The following OTOR variants were observed in gnomAD, a reference collection of about 807,000 sequenced individuals.
OTOR encodes fibrocyte-derived protein.
A neutral mutation model predicts 15.9 loss-of-function variants in OTOR; 20 were observed. The observed-to-expected ratio is 1.26, with a 90% CI of 0.89 to 1.83. OTOR has a LOEUF of 1.83. Among genes scored for constraint, OTOR ranks in the 40% most tolerant of loss-of-function variants. OTOR has a pLI of 0.00. For missense variants in OTOR, 184 were observed against 159.0 expected (o/e 1.16, Z -0.85); for synonymous variants, 53 against 54.2 (o/e 0.98, Z 0.09).
At position 16,751,164 on chromosome 20, in the gene OTOR, GA is replaced by G. The variant is rs1568759753; in HGVS notation, c.*50del. On this transcript the variant is annotated 3_prime_UTR_variant, in exon 4 of 4. Coordinates refer to ENST00000246081, the MANE Select transcript of OTOR (RefSeq NM_020157.4). ...ATAGAAAGAAAACACCAAAAATAAA[GA>G]AAAGAGCAAAAGTGGCCAAAAAATG... The G allele has an allele frequency of 7.1e-7, 1 of 1,402,882 alleles. No homozygotes were observed. 86.9% of individuals were successfully genotyped at this position (1,402,882 alleles called of 1,614,324 possible).
At position 16,750,170 on chromosome 20, in the gene OTOR, CT is replaced by C. The variant is rs1421831195; in HGVS notation, c.363+161del. Among the ~76,000 whole-genome samples the C allele has an allele frequency of 2.6e-5, 4 of 152,200 alleles. No individual in the cohort carries two copies. The East Asian group carries it at 7.7e-4, about 29-fold the overall frequency. On this transcript the variant is annotated intron_variant, in intron 3 of 3. Transcript: ENST00000246081. The stretch of plus-strand genomic sequence containing the variant: ...ATGAGGTTTGGGGGACCATTTATAA[CT>C]ACTGTCAAAGTTGAAAGATGAGTAA...
chr20:16,748,798 T>C, intron 1 of OTOR, 69 bp from the exon 2 acceptor site: 1 of 1,191,624 alleles, frequency 8.4e-7, no homozygotes. Context: ...TTTTCTAATA[T>C]ACATTGCCTT....
chr20:16,750,374 A>G (rs1458433496), intron 3 of OTOR, among the ~76,000 whole-genome samples: 1 of 151,506 alleles, frequency 6.6e-6, no homozygotes, highest in Non-Finnish European at 1.5e-5. Context: ...CAAGCTAGTT[A>G]ACACATACAT....
rs200189983 is a variant in OTOR at position 16,749,980 on chromosome 20, C to T, written c.333C>T (p.Tyr111=). The T allele has an allele frequency of 4.3e-6, 7 of 1,612,878 alleles. No individual in the cohort carries two copies. Among genetic ancestry groups the T allele is most frequent in the Non-Finnish European group, 5.9e-6 (7 of 1,179,082 alleles). The change falls in exon 3 of 4, where the codon TAC becomes TAT. Residue 111 remains tyrosine, a synonymous_variant. Coordinates refer to ENST00000246081, the MANE Select transcript of OTOR (RefSeq NM_020157.4). The stretch of plus-strand genomic sequence containing the variant: ...ACTTGGTCAAGGAACAGCGTGTGTA[C>T]CAGGAAGCTACCAAGGAAGTTCCCA... ...PRNLVKEQRV[Y]QEATKEVPTT... is the part of the protein sequence containing the mutation.
chr20:16,748,764 TATCAGTCACTCTGATTTTC>T, intron 1 of OTOR, 84 bp from the exon 2 acceptor site: 1 of 888,428 alleles, frequency 1.1e-6, no homozygotes, highest in Non-Finnish European at 1.6e-6. Flanking sequence ...AACTGGGAAT[TATCAGTCACTCTGATTTTC>T]TAGTTTTTCT....
In OTOR at chr20:16,751,332, A is replaced by G. The variant is rs951571270; in HGVS notation, c.*214A>G. The G allele has an allele frequency of 1.9e-5, 10 of 523,030 alleles. No individual in the cohort carries two copies. In the Admixed American group the frequency reaches 2.3e-4, roughly 12 times the overall value. The allele number at this position is 523,030 out of a possible 1,614,324, so 32.4% of individuals were successfully genotyped here. On this transcript the variant is annotated 3_prime_UTR_variant, in exon 4 of 4. Transcript: ENST00000246081. ...CTGGCCTGGTCTGCCCACGAGCTAG[A>G]GCGGGGAAATGTTGAGCTCAAATGG...
In OTOR at chr20:16,748,363, C is replaced by A. The variant is rs760326270; in HGVS notation, c.-39C>A. On this transcript the variant is annotated 5_prime_UTR_variant, in exon 1 of 4. Coordinates refer to ENST00000246081, the MANE Select transcript of OTOR (RefSeq NM_020157.4). ...CAGGAACCACTGAAGTCAGTCCCCGCTTCCAGTCAGAGTTCAAGTTAAAAC... is the reference window on the plus strand; with the variant it reads ...CAGGAACCACTGAAGTCAGTCCCCGATTCCAGTCAGAGTTCAAGTTAAAAC... 6 of 1,373,344 alleles carry A rather than the reference C, an allele frequency of 4.4e-6. No homozygotes were observed. Among genetic ancestry groups the A allele is most frequent in the Non-Finnish European group, 5.2e-6 (5 of 960,812 alleles). 85.1% of individuals were successfully genotyped at this position (1,373,344 alleles called of 1,614,324 possible).
At position 16,748,929 on chromosome 20, in the gene OTOR, G is replaced by T; in HGVS notation, c.178G>T (p.Val60Phe). 4.3e-6 allele frequency: 7 copies of T among 1,611,632 alleles called. No homozygotes were observed. The highest frequency in any genetic ancestry group is 1.7e-4 in the Middle Eastern group (1 of 6,054). The change falls in exon 2 of 4, where the codon GTT becomes TTT. Residue 60 changes from valine (V) to phenylalanine (F), a missense_variant. Transcript: ENST00000246081. ...YNAPDCRFINVKKGQQIYVYS... is the reference protein window; with the variant it reads ...YNAPDCRFINFKKGQQIYVYS... ...TGCCCCGGACTGTAGATTCATTAAC[G>T]TTAAAAAAGGGCAGCAGATCTATGT...
chr20:16,748,594 T>C, intron 1 of OTOR, 78 bp downstream of exon 1: 2 of 919,192 alleles, frequency 2.2e-6, no homozygotes, highest in South Asian at 2.9e-5. Context: ...TAAAATCGAA[T>C]TATACTTTGA....
rs776230298 is a variant in OTOR at position 16,751,101 on chromosome 20, G to A, written c.370G>A (p.Asp124Asn). The A allele has an allele frequency of 4.5e-6, 7 of 1,541,412 alleles. No homozygotes were observed. In the East Asian group the frequency reaches 1.2e-4, roughly 25 times the overall value. The change falls in exon 4 of 4, where the codon GAC (aspartate) becomes AAC (asparagine). Residue 124 changes from aspartate to asparagine, a missense_variant. Transcript: ENST00000246081. ...TGTTTTTGTTTTTTTCCAGGATATT[G>A]ACTTCTTCTGCGAGTAATAAATTAG... ...ATKEVPTTDI[D>N]FFCE
Position 16,749,809 on chromosome 20 carries a change from T to C in OTOR, c.256-94T>C, listed in dbSNP as rs371310757. ...AGTGAAAGGGAGGTATTGGCAGCTA[T>C]GATTCTCACTATCAGCAAAGAGGAC... On this transcript the variant is annotated intron_variant, in intron 2 of 3. Coordinates refer to ENST00000246081, the MANE Select transcript of OTOR (RefSeq NM_020157.4). 9.1e-4 allele frequency: 759 copies of C among 831,242 alleles called. 10 individuals are homozygous for C. In the East Asian group the frequency reaches 0.018, roughly 20 times the overall value. 51.5% of individuals were successfully genotyped at this position (831,242 alleles called of 1,614,324 possible).
In OTOR at chr20:16,752,077, T is replaced by C. The variant is rs2072531873; in HGVS notation, c.*959T>C. The C allele has an allele frequency of 6.6e-6, 1 of 152,236 alleles. No homozygotes were observed. Among genetic ancestry groups the C allele is most frequent in the Admixed American group, 6.5e-5 (1 of 15,286 alleles). The allele number at this position is 152,236 out of a possible 1,614,324, so 9.4% of individuals were successfully genotyped here. On this transcript the variant is annotated 3_prime_UTR_variant, in exon 4 of 4. Transcript: ENST00000246081. The stretch of plus-strand genomic sequence containing the variant: ...TCTATATTTAACTGGAAATATGCTT[T>C]GATTTTGTGTTATTAATATAATTCT...
rs1054533479 is a variant in OTOR at position 16,748,870 on chromosome 20, C to T, written c.119C>T (p.Thr40Ile). 14 of 1,572,300 alleles carry T rather than the reference C, an allele frequency of 8.9e-6. No individual in the cohort carries two copies. The highest frequency in any genetic ancestry group is 1.1e-5 in the Non-Finnish European group (13 of 1,166,948). The stretch of plus-strand genomic sequence containing the variant: ...ATTTAAATTTTTTTTCTTCCAGATA[C>T]TATTTCTCTGGCTAGTGCTCAAGAA... The part of the protein sequence containing the change: ...KLCADDECVY[T>I]ISLASAQEDY... Residue 40 changes from threonine (T) to isoleucine (I), a missense_variant, in exon 2 of 4, where the codon ACT becomes ATT. By Grantham distance (89) the Thr-to-Ile change is moderately conservative. Transcript: ENST00000246081.
Position 16,751,675 on chromosome 20 carries a change from A to G in OTOR, c.*557A>G, listed in dbSNP as rs996883574. On this transcript the variant is annotated 3_prime_UTR_variant, in exon 4 of 4. Coordinates refer to ENST00000246081, the MANE Select transcript of OTOR (RefSeq NM_020157.4). ...GGGGAAGAAGAGTTTTTGGACCCATAGATGTTTGGATGATGTCTCTAATTT... is the reference window on the plus strand; with the variant it reads ...GGGGAAGAAGAGTTTTTGGACCCATGGATGTTTGGATGATGTCTCTAATTT... 1.3e-5 allele frequency: 2 copies of G among 152,152 alleles called. No homozygotes were observed. The highest frequency in any genetic ancestry group is 4.8e-5 in the African/African-American group (2 of 41,434). 9.4% of individuals were successfully genotyped at this position (152,152 alleles called of 1,614,324 possible). A position where few individuals can be genotyped will look rare whatever the true frequency, so the allele number is the denominator to read the frequency against.
In OTOR at chr20:16,748,533, G is replaced by A. The variant is rs553198173; in HGVS notation, c.115+17G>A. On this transcript the variant is annotated intron_variant, in intron 1 of 3. Transcript: ENST00000246081. Reference sequence around the variant, plus strand: ...AGTGTGTCTGTAAGGACTTTTTTATGCTTTTCATTATCTTTCTATTACATA... The same window carrying A: ...AGTGTGTCTGTAAGGACTTTTTTATACTTTTCATTATCTTTCTATTACATA... The A allele has an allele frequency of 3.7e-5, 52 of 1,386,682 alleles. No individual in the cohort carries two copies. The highest frequency in any genetic ancestry group is 5.1e-5 in the Non-Finnish European group (50 of 980,998). The allele number at this position is 1,386,682 out of a possible 1,614,324, so 85.9% of individuals were successfully genotyped here.
At position 16,748,934 on chromosome 20, in the gene OTOR, A is replaced by G; in HGVS notation, c.183A>G (p.Lys61=). Residue 61 remains lysine, a synonymous_variant, in exon 2 of 4, where the codon AAA becomes AAG. Transcript: ENST00000246081. ...CGGACTGTAGATTCATTAACGTTAA[A>G]AAAGGGCAGCAGATCTATGTGTACT... The part of the protein sequence containing the change: ...NAPDCRFINV[K]KGQQIYVYSK... 6.2e-7 allele frequency: 1 copy of G among 1,612,540 alleles called. No homozygotes were observed. The highest frequency in any genetic ancestry group is 1.1e-5 in the South Asian group (1 of 90,896).
chr20:16,751,074 T>G (rs1450684152), intron 3 of OTOR, 21 bp from the exon 4 acceptor site: 1 of 1,526,014 alleles, frequency 6.6e-7, no homozygotes, highest in African/African-American at 1.4e-5. Flanking sequence ...TCAATCTTTT[T>G]TTGTTTTTGT....
chr20:16,748,674 C>T (rs866579079), intron 1 of OTOR, among the ~76,000 whole-genome samples, 158 bp downstream of exon 1: 2 of 152,138 alleles, frequency 1.3e-5, no homozygotes, highest in African/African-American at 2.4e-5. Flanking sequence ...TATCTTACTA[C>T]GGAGAATTCA....
chr20:16,750,129 C>A lies in OTOR; in HGVS notation c.363+119C>A, dbSNP rs368022813. The A allele has an allele frequency of 1.1e-3, 668 of 624,442 alleles. 2 individuals carry two copies. Among genetic ancestry groups the A allele is most frequent in the South Asian group, 5.9e-3 (280 of 47,314 alleles). 38.7% of individuals were successfully genotyped at this position (624,442 alleles called of 1,614,324 possible). On this transcript the variant is annotated intron_variant, in intron 3 of 3. Transcript: ENST00000246081. The stretch of plus-strand genomic sequence containing the variant: ...GAACAAAGCCTCCAACTTTCAGTGG[C>A]GACTTTTCTGAGATAATGAGGTTTG...
Sources: allele counts gnomAD v4.1 joint callset (sites outside exome capture counted in the v4.1 genomes callset), GRCh38; gene constraint gnomAD v4.1.1; transcripts MANE v1.5; gene names NCBI Gene and HGNC (gene_info 2026-07-23, HGNC 2026-07-21).